ARCN1: variants seen among roughly 807,000 people sequenced by gnomAD.
ARCN1 encodes coatomer subunit delta.
A neutral mutation model predicts 60.4 loss-of-function variants in ARCN1; 5 were observed. That is an observed-to-expected ratio of 0.08 (90% CI 0.04 to 0.17). ARCN1 has a LOEUF of 0.17. ARCN1 is among the 10% of genes least tolerant of loss of function. The pLI is 1.00. For missense variants in ARCN1, 464 were observed against 626.5 expected, an observed-to-expected ratio of 0.74 and a Z score of 2.77; for synonymous variants, 224 against 220.0, an observed-to-expected ratio of 1.02 and a Z score of -0.16.
intron 9 of ARCN1, 108 bp downstream of exon 9, chr11:118,598,019 G>A: frequency 1.0e-6 from 1 of 994,066 alleles, no homozygotes. Flanking sequence ...ATAAAGCTCA[G>A]AAAAAAACTG....
chr11:118,574,062 C>T (rs549213630), intron 1 of ARCN1, among the ~76,000 whole-genome samples: 1 of 152,116 alleles, frequency 6.6e-6, no homozygotes, highest in Non-Finnish European at 1.5e-5. Context: ...ATTTTTAATT[C>T]ATTGATAACT....
Position 118,580,076 on chromosome 11 carries a change from A to G in ARCN1, c.4-1170A>G, listed in dbSNP as rs368832726. 7.7e-4 allele frequency among the ~76,000 whole-genome samples: 117 copies of G among 152,262 alleles called. 1 individual carries two copies. The highest frequency in any genetic ancestry group is 2.5e-3 in the African/African-American group (104 of 41,550). The stretch of plus-strand genomic sequence containing the variant: ...GGTGACTCATGCTTGTAATCCCAGC[A>G]CTTTGGGAGGCCAAGGTGGGCTGAT... On this transcript the variant is annotated intron_variant, in intron 1 of 9. Coordinates refer to ENST00000264028, the MANE Select transcript of ARCN1 (RefSeq NM_001655.5).
Position 118,597,888 on chromosome 11 carries a change from A to G in ARCN1, c.1423A>G (p.Lys475Glu). 6.2e-7 allele frequency: 1 copy of G among 1,614,192 alleles called. No individual in the cohort carries two copies. Among genetic ancestry groups the G allele is most frequent in the Non-Finnish European group, 8.5e-7 (1 of 1,180,042 alleles). Residue 475 changes from lysine to glutamate, a missense_variant, in exon 9 of 10, where the codon AAG becomes GAG. By Grantham distance (56) the Lys-to-Glu change is moderately conservative. Coordinates refer to ENST00000264028, the MANE Select transcript of ARCN1 (RefSeq NM_001655.5). ...FFPVQVSFVS[K>E]KNYCNIQVTK... ...CCCTGTTCAAGTTTCCTTTGTCTCC[A>G]AGAAAAATTACTGTAACATACAGGT...
intron 9 of ARCN1, 125 bp downstream of exon 9, chr11:118,598,036 C>T (rs1939067841): frequency 4.8e-6 from 4 of 826,540 alleles, no homozygotes; most frequent in Non-Finnish European, 7.4e-6. Flanking sequence ...ACTGATGTCT[C>T]CTACAGGAAT....
chr11:118,592,623 T>C, intron 6 of ARCN1, 86 bp from the exon 7 acceptor site: 1 of 1,041,482 alleles, frequency 9.6e-7, no homozygotes, highest in Non-Finnish European at 1.4e-6. Context: ...ATTTTGGATG[T>C]TTAGATTGTG....
chr11:118,588,351 G>A (rs1938821080), intron 5 of ARCN1, among the ~76,000 whole-genome samples: 1 of 152,166 alleles, frequency 6.6e-6, no homozygotes, highest in Admixed American at 6.5e-5. Flanking sequence ...AGGTCAAAGA[G>A]AGGTTCTTTT....
intron 1 of ARCN1, among the ~76,000 whole-genome samples, chr11:118,579,913 G>A (rs1938613776): frequency 6.6e-6 from 1 of 152,108 alleles, no homozygotes; most frequent in African/African-American, 2.4e-5. Context: ...TTGAATCCAT[G>A]TGTGATATAT....
rs1218319944 is a variant in ARCN1 at position 118,602,096 on chromosome 11, C to G, written c.*1382C>G. On this transcript the variant is annotated 3_prime_UTR_variant, in exon 10 of 10. Coordinates refer to ENST00000264028, the MANE Select transcript of ARCN1 (RefSeq NM_001655.5). ...GCCAATCCTGTTGGCCCTAAACTATCAAGGAGGCTCCATTTCACCATTTGA... is the reference window on the plus strand; with the variant it reads ...GCCAATCCTGTTGGCCCTAAACTATGAAGGAGGCTCCATTTCACCATTTGA... The G allele has an allele frequency of 1.3e-5, 3 of 222,668 alleles. No homozygotes were observed. The highest frequency in any genetic ancestry group is 4.5e-5 in the African/African-American group (2 of 43,960). 13.8% of individuals were successfully genotyped at this position (222,668 alleles called of 1,614,324 possible). A position where few individuals can be genotyped will look rare whatever the true frequency, so the allele number is the denominator to read the frequency against.
intron 8 of ARCN1, 24 bp downstream of exon 8, chr11:118,593,722 T>C: frequency 6.6e-7 from 1 of 1,506,872 alleles, no homozygotes; most frequent in African/African-American, 1.4e-5. Context: ...CTGTGTCCTC[T>C]ACGGTGGACT....
chr11:118,593,710 C>A lies in ARCN1; in HGVS notation c.1241+12C>A, dbSNP rs782290018. On this transcript the variant is annotated intron_variant, in intron 8 of 9. Coordinates refer to ENST00000264028, the MANE Select transcript of ARCN1 (RefSeq NM_001655.5). ...ACCATCCCACTCCCGTAAGTGCTGTCCCTGTGTCCTCTACGGTGGACTTAG... is the reference window on the plus strand; with the variant it reads ...ACCATCCCACTCCCGTAAGTGCTGTACCTGTGTCCTCTACGGTGGACTTAG... 2.5e-6 allele frequency: 4 copies of A among 1,570,412 alleles called. No homozygotes were observed. The East Asian group carries it at 9.0e-5, about 35-fold the overall frequency.
intron 1 of ARCN1, among the ~76,000 whole-genome samples, chr11:118,577,286 G>T (rs1302444633): frequency 6.6e-6 from 1 of 151,080 alleles, no homozygotes; most frequent in Non-Finnish European, 1.5e-5. Context: ...TCACTTTGTA[G>T]CCCAGGCTGG....
rs1160598381 is a variant in ARCN1 at position 118,597,848 on chromosome 11, G to C, written c.1383G>C (p.Gln461His). The C allele has an allele frequency of 4.3e-6, 7 of 1,614,054 alleles. No individual in the cohort carries two copies. The highest frequency in any genetic ancestry group is 5.9e-6 in the Non-Finnish European group (7 of 1,180,054). ...GCCTGGAGTTTAGCATTGCTGGGCA[G>C]CCCAATGACTTCTTCCCTGTTCAAG... The part of the protein sequence containing the change: ...SGSLEFSIAG[Q>H]PNDFFPVQVS... Residue 461 changes from glutamine to histidine, a missense_variant, in exon 9 of 10, where the codon CAG (glutamine) becomes CAC (histidine). Physicochemically the swap from Gln to His is conservative, Grantham distance 24. Around this residue, in one of 2 missense-constraint regions of ARCN1, gnomAD observed 359 missense variants for 440.2 expected, o/e 0.82. Transcript: ENST00000264028.
intron 6 of ARCN1, among the ~76,000 whole-genome samples, chr11:118,591,069 G>T (rs562306274): frequency 6.6e-6 from 1 of 152,338 alleles, no homozygotes; most frequent in African/African-American, 2.4e-5. Flanking sequence ...TAAATAAACT[G>T]CCAGTGCTTG....
At chr11:118,586,845 C>CT (rs1379466842) in intron 5 of ARCN1, among the ~76,000 whole-genome samples, 1 of 130,866 alleles carries the variant, frequency 7.6e-6, no homozygotes, top group African/African-American at 3.0e-5. Context: ...GAGTGAGACT[C>CT]TATCTCCAAA....
intron 9 of ARCN1, among the ~76,000 whole-genome samples, chr11:118,600,115 G>A (rs1014972196): frequency 6.6e-6 from 1 of 152,180 alleles, no homozygotes; most frequent in Non-Finnish European, 1.5e-5. Context: ...ATTGTTACAT[G>A]TAATTAATTA....
intron 2 of ARCN1, 123 bp downstream of exon 2, chr11:118,581,632 T>G: frequency 1.1e-6 from 1 of 927,298 alleles, no homozygotes; most frequent in Non-Finnish European, 1.6e-6. Context: ...CCCCAGCGAC[T>G]TATTGCTGCA....
chr11:118,580,468 T>C lies in ARCN1; in HGVS notation c.4-778T>C, dbSNP rs147994912. ...ATTATTTTAGTTCAATATAAAGTCA[T>C]TGAGGGAGCACCTTTAATATGAGAG... On this transcript the variant is annotated intron_variant, in intron 1 of 9. Transcript: ENST00000264028. Among the ~76,000 whole-genome samples, 137 of 152,260 alleles carry C rather than the reference T, an allele frequency of 9.0e-4. 3 individuals carry two copies. The East Asian group carries it at 0.012, about 13-fold the overall frequency.
At chr11:118,575,187 C>G (rs1163903354) in intron 1 of ARCN1, among the ~76,000 whole-genome samples, 1 of 152,116 alleles carries the variant, frequency 6.6e-6, no homozygotes, top group Non-Finnish European at 1.5e-5. Context: ...ACCATGTTAG[C>G]CAGGATAGTC....
chr11:118,579,331 A>G (rs11216910), intron 1 of ARCN1, among the ~76,000 whole-genome samples: 25,030 of 151,964 alleles, frequency 0.16, 2,595 homozygotes, highest in East Asian at 0.52. Context: ...TTTCTGATGA[A>G]ACTATTAAGA....
Sources: allele counts gnomAD v4.1 joint callset (sites outside exome capture counted in the v4.1 genomes callset), GRCh38; gene constraint gnomAD v4.1.1; regional missense constraint gnomAD v4.1.1; transcripts MANE v1.5; gene names NCBI Gene and HGNC (gene_info 2026-07-23, HGNC 2026-07-21).